The following SORBS2 variants were observed in gnomAD, a reference collection of about 807,000 sequenced individuals.
SORBS2 encodes sorbin and SH3 domain containing 2.
SORBS2 carries 46 observed loss-of-function variants against 97.7 expected under a neutral mutation model. That is an observed-to-expected ratio of 0.47 (90% CI 0.37 to 0.60). SORBS2 has a LOEUF of 0.60. Among genes scored for constraint, SORBS2 ranks in the 20% least tolerant of loss-of-function variants. The pLI is 0.00. For synonymous variants in SORBS2, 476 were observed against 473.4 expected (o/e 1.01, Z -0.07); for missense variants, 1,316 against 1,282.3 (o/e 1.03, Z -0.40).
chr4:185,630,631 T>G (rs2096891291), intron 4 of SORBS2, 33 bp from the exon 17 acceptor site: 2 of 1,463,774 alleles, frequency 1.4e-6, no homozygotes, highest in South Asian at 2.5e-5. Flanking sequence ...CCATGAAAAA[T>G]TTTACCGTGG....
chr4:185,699,250 A>G (rs938080396), intron 2 of SORBS2, among the ~76,000 whole-genome samples: 6 of 149,086 alleles, frequency 4.0e-5, no homozygotes, highest in Admixed American at 6.7e-5. Flanking sequence ...TAAGTAATAC[A>G]TTACTTACAA....
intron 1 of SORBS2, among the ~76,000 whole-genome samples, chr4:185,856,814 T>A (rs72707640): frequency 0.091 from 13,808 of 152,112 alleles, 697 homozygotes; most frequent in Non-Finnish European, 0.11. Context: ...CTCAGGAAAC[T>A]TAGAATCATC....
chr4:185,934,220 A>T (rs535427343), intron 1 of SORBS2, among the ~76,000 whole-genome samples: 1 of 152,304 alleles, frequency 6.6e-6, no homozygotes, highest in East Asian at 1.9e-4. Flanking sequence ...AGAGGACAAG[A>T]GCCTTTCCTG....
At chr4:185,892,647 G>A (rs1002940212) in intron 1 of SORBS2, among the ~76,000 whole-genome samples, 1 of 152,218 alleles carries the variant, frequency 6.6e-6, no homozygotes, top group Non-Finnish European at 1.5e-5. Context: ...TGGACAGTGT[G>A]CATGGTGAAG....
At chr4:185,710,513 C>A (rs953790226) in intron 2 of SORBS2, among the ~76,000 whole-genome samples, 11 of 152,234 alleles carry the variant, frequency 7.2e-5, no homozygotes, top group African/African-American at 2.7e-4. Context: ...CACACTCCCC[C>A]CCAAATTTTG....
At chr4:185,860,364 G>C (rs1054422266) in intron 1 of SORBS2, among the ~76,000 whole-genome samples, 5 of 152,230 alleles carry the variant, frequency 3.3e-5, no homozygotes, top group African/African-American at 9.6e-5. Flanking sequence ...GTGCCATGCA[G>C]ACAATAAAGA....
chr4:185,796,859 T>G (rs13103292), intron 1 of SORBS2, among the ~76,000 whole-genome samples: 1,449 of 26,098 alleles, frequency 0.056, 139 homozygotes, highest in African/African-American at 0.18. Flanking sequence ...ATGCCTGGGC[T>G]CTGTGGCCAC....
At chr4:185,811,880 G>A (rs1418829370) in intron 1 of SORBS2, 1 of 152,392 alleles carries the variant, frequency 6.6e-6, no homozygotes, top group Non-Finnish European at 1.5e-5. Context: ...CGTTAGCAGA[G>A]TGCAACACCC....
intron 1 of SORBS2, among the ~76,000 whole-genome samples, chr4:185,827,284 A>G (rs1216487335): frequency 4.7e-5 from 7 of 148,310 alleles, no homozygotes; most frequent in South Asian, 2.1e-4. Flanking sequence ...CACCATCATC[A>G]TCACCATCAT....
At chr4:185,926,551 T>G (rs1400303764) in intron 1 of SORBS2, among the ~76,000 whole-genome samples, 1 of 134,546 alleles carries the variant, frequency 7.4e-6, no homozygotes, top group Non-Finnish European at 1.7e-5. Flanking sequence ...CAAGTTGTGG[T>G]TTTGTTTTTT....
rs954059206 is a variant in SORBS2, at chr4:185,811,948, G to T, written c.-337-36582C>A. ...GCTAGGGAGCTGCTGAGATAATATT[G>T]CAGGGAAAGCTTGCCTTCCCAAGAC... is the stretch of plus-strand genomic sequence containing the variant. On this transcript the variant is annotated intron_variant, in intron 1 of 20. An upstream open reading frame in the 5' UTR gains an earlier in-frame stop. Coordinates refer to the SORBS2 transcript ENST00000284776. 9.8e-5 allele frequency: 15 copies of T among 152,360 alleles called. No individual in the cohort carries two copies. In the East Asian group the frequency reaches 1.9e-3, roughly 20 times the overall value. 9.4% of individuals were successfully genotyped at this position (152,360 alleles called of 1,614,324 possible). A position where few individuals can be genotyped will look rare whatever the true frequency, so the allele number is the denominator to read the frequency against.
intron 1 of SORBS2, among the ~76,000 whole-genome samples, chr4:185,946,103 T>C (rs1268364540): frequency 1.3e-5 from 2 of 149,414 alleles, no homozygotes; most frequent in Non-Finnish European, 2.9e-5. Flanking sequence ...GGTTGATAGG[T>C]GTGATGATTG....
chr4:185,623,488 G>A lies in SORBS2; in HGVS notation c.1641C>T (p.His547=). Residue 547 remains histidine, a synonymous_variant, in exon 7 of 15, where the codon CAC becomes CAT. Transcript: ENST00000418609. The surrounding 1 kb of genome is among the most constrained non-coding windows in gnomAD (Gnocchi z 6.4). ...GGCGGTGGTGGTGGTGGTGGTGATG[G>A]TGGTGGTGGTGGCTGGATCCGTAAA... is the stretch of plus-strand genomic sequence containing the variant. 6.2e-7 allele frequency: 1 copy of A among 1,612,684 alleles called. No individual in the cohort carries two copies. Among genetic ancestry groups the A allele is most frequent in the South Asian group, 1.1e-5 (1 of 90,992 alleles).
chr4:185,755,412 CT>C (rs1453078311), intron 2 of SORBS2, among the ~76,000 whole-genome samples: 5 of 152,238 alleles, frequency 3.3e-5, no homozygotes, highest in African/African-American at 7.2e-5. Context: ...AATTATGCTC[CT>C]TTAAACTATT....
At position 185,893,180 on chromosome 4, in the gene SORBS2, A is replaced by T. The variant is rs899355814; in HGVS notation, c.-338+63016T>A. On this transcript the variant is annotated intron_variant, in intron 1 of 20. Transcript: ENST00000284776. The stretch of plus-strand genomic sequence containing the variant: ...GTTGCTATGCTGTGGAATGAGGAGG[A>T]AGAAAGAAGAGACAGAAAGGCCTTA... Among the ~76,000 whole-genome samples, 3 of 152,156 alleles carry T rather than the reference A, an allele frequency of 2.0e-5. No homozygotes were observed. The South Asian group carries it at 6.2e-4, about 32-fold the overall frequency.
chr4:185,824,235 G>A (rs1298323144), intron 1 of SORBS2, among the ~76,000 whole-genome samples: 1 of 152,180 alleles, frequency 6.6e-6, no homozygotes, highest in African/African-American at 2.4e-5. Context: ...ACTCCTGGCT[G>A]CTGCCAGCAA....
chr4:185,623,109 C>G lies in SORBS2; in HGVS notation c.2020G>C (p.Glu674Gln), dbSNP rs530628406. 1.5e-5 allele frequency: 24 copies of G among 1,613,982 alleles called. No homozygotes were observed. The highest frequency in any genetic ancestry group is 1.9e-5 in the Non-Finnish European group (22 of 1,180,030). ...AGCGCTCTCAGGGATGAGTTCCTCT[C>G]GGGAACATCTGGCAGCAGCTCACTG... is the stretch of plus-strand genomic sequence containing the variant. Residue 674 changes from glutamate to glutamine, a missense_variant, in exon 7 of 15, where the codon GAG becomes CAG. Glu to Gln is a conservative substitution (Grantham distance 29). Coordinates refer to ENST00000418609, the Ensembl canonical transcript of SORBS2. This position sits in a 1 kb window ranked among gnomAD's most constrained non-coding sequence, Gnocchi z 6.4.
At chr4:185,827,888 G>T (rs1406957196) in intron 1 of SORBS2, among the ~76,000 whole-genome samples, 7 of 129,430 alleles carry the variant, frequency 5.4e-5, no homozygotes, top group African/African-American at 1.2e-4. Flanking sequence ...ACCATCATCA[G>T]CGTCACCATC....
At chr4:185,858,778 T>C (rs1421343624) in intron 1 of SORBS2, among the ~76,000 whole-genome samples, 1 of 152,248 alleles carries the variant, frequency 6.6e-6, no homozygotes, top group Non-Finnish European at 1.5e-5. Flanking sequence ...TTGTAATAAT[T>C]TGAGAAAATC....
Sources: allele counts gnomAD v4.1 joint callset (sites outside exome capture counted in the v4.1 genomes callset), GRCh38; gene constraint gnomAD v4.1.1; non-coding constraint Gnocchi (gnomAD v3.1); transcripts MANE v1.5; gene names NCBI Gene and HGNC (gene_info 2026-07-23, HGNC 2026-07-21).